The following FHOD3 variants were observed in gnomAD, a reference collection of about 807,000 sequenced individuals.
FHOD3 encodes the protein formin homology 2 domain containing 3.
FHOD3 carries 90 observed loss-of-function variants against 173.0 expected under a neutral mutation model. The observed-to-expected ratio is 0.52, with a 90% CI of 0.44 to 0.62. FHOD3 has a LOEUF of 0.62. FHOD3 is among the 20% of genes least tolerant of loss of function. FHOD3 has a pLI of 0.00. For missense variants in FHOD3, 1,945 were observed against 2,034.7 expected, an observed-to-expected ratio of 0.96 and a Z score of 0.85; for synonymous variants, 828 against 823.0, an observed-to-expected ratio of 1.01 and a Z score of -0.10.
intron 5 of FHOD3, among the ~76,000 whole-genome samples, chr18:36,516,249 T>C (rs1040781137): frequency 2.0e-5 from 3 of 152,140 alleles, no homozygotes; most frequent in Non-Finnish European, 4.4e-5. Flanking sequence ...TGAGGGCAGA[T>C]GCAGATCAAG....
At chr18:36,607,802 G>C (rs1195512387) in intron 8 of FHOD3, among the ~76,000 whole-genome samples, 4 of 152,048 alleles carry the variant, frequency 2.6e-5, no homozygotes, top group Non-Finnish European at 4.4e-5. Context: ...TAGAGCCCTA[G>C]GACATTGACA....
At chr18:36,727,672 G>T (rs1157411595) in intron 19 of FHOD3, among the ~76,000 whole-genome samples, 1 of 152,124 alleles carries the variant, frequency 6.6e-6, no homozygotes, top group African/African-American at 2.4e-5. Context: ...CATGTGTGTT[G>T]CTGTAAGTTG....
intron 9 of FHOD3, among the ~76,000 whole-genome samples, chr18:36,616,865 A>T (rs981501656): frequency 6.6e-6 from 1 of 152,236 alleles, no homozygotes. Context: ...AATATAGCCT[A>T]TCGAGGTGCA....
At chr18:36,377,942 C>A (rs1444014314) in intron 3 of FHOD3, among the ~76,000 whole-genome samples, 1 of 152,228 alleles carries the variant, frequency 6.6e-6, no homozygotes, top group Non-Finnish European at 1.5e-5. Context: ...CTCTACCATG[C>A]AGCTTAGATT....
At chr18:36,746,922 A>G in intron 23 of FHOD3, 23 bp from the exon 24 acceptor site, 1 of 1,574,584 alleles carries the variant, frequency 6.4e-7, no homozygotes, top group Non-Finnish European at 8.6e-7. Context: ...CAGTGTTTGC[A>G]GTGTTCTCGC....
chr18:36,631,558 C>T (rs1291489461), intron 10 of FHOD3, among the ~76,000 whole-genome samples: 1 of 152,164 alleles, frequency 6.6e-6, no homozygotes, highest in East Asian at 1.9e-4. Context: ...TAATCATCTG[C>T]CAGGCAGTAT....
chr18:36,413,359 G>A (rs1364437044), intron 3 of FHOD3, among the ~76,000 whole-genome samples: 1 of 152,124 alleles, frequency 6.6e-6, no homozygotes, highest in East Asian at 1.9e-4. Context: ...CCCTCCCAGA[G>A]GTTTAATATT....
chr18:36,551,025 A>G (rs1025944805), intron 5 of FHOD3, among the ~76,000 whole-genome samples: 4 of 152,180 alleles, frequency 2.6e-5, no homozygotes, highest in African/African-American at 4.8e-5. Context: ...GTGTTTCTCC[A>G]TTAAGTATGA....
intron 6 of FHOD3, among the ~76,000 whole-genome samples, chr18:36,588,218 A>C (rs16967991): frequency 0.033 from 5,055 of 152,318 alleles, 292 homozygotes; most frequent in African/African-American, 0.12. Context: ...TTTGATAACC[A>C]GTTACGAAGG....
intron 1 of FHOD3, among the ~76,000 whole-genome samples, chr18:36,348,826 A>T (rs2045984244): frequency 6.6e-6 from 1 of 152,150 alleles, no homozygotes; most frequent in African/African-American, 2.4e-5. Context: ...TTGGGCAGGT[A>T]GTGACCAGCC....
rs149612791 is a variant in FHOD3, at chr18:36,563,192, T to G, written c.512-13259T>G. On this transcript the variant is annotated intron_variant, in intron 5 of 28. Transcript: ENST00000590592. ...GAAGTACAGAATTAATATACTAGCA[T>G]GTACTCTTAATTGTTTTACATAACA... Among the ~76,000 whole-genome samples, 462 of 152,330 alleles carry G rather than the reference T, an allele frequency of 3.0e-3. 3 individuals are homozygous for G. Among genetic ancestry groups the G allele is most frequent in the African/African-American group, 0.011 (446 of 41,578 alleles).
intron 27 of FHOD3, among the ~76,000 whole-genome samples, chr18:36,765,701 T>C (rs1279124089): frequency 6.6e-6 from 1 of 152,148 alleles, no homozygotes; most frequent in Non-Finnish European, 1.5e-5. Flanking sequence ...AATAAACTCA[T>C]TGGATGGGCT....
At chr18:36,567,417 G>A (rs1172866517) in intron 5 of FHOD3, among the ~76,000 whole-genome samples, 3 of 152,154 alleles carry the variant, frequency 2.0e-5, no homozygotes, top group African/African-American at 4.8e-5. Flanking sequence ...CTTCCACATC[G>A]CTGTTAGATT....
Position 36,718,460 on chromosome 18 carries a change from G to A in FHOD3, c.3162G>A (p.Leu1054=), listed in dbSNP as rs764109970. Residue 1054 remains leucine (L), a synonymous_variant, in exon 19 of 29, where the codon TTG becomes TTA. Coordinates refer to ENST00000590592, the MANE Select transcript of FHOD3 (RefSeq NM_001281740.3). ...IPPPPVPGNL[L]VPPPPVFNAP... is the part of the protein sequence containing the mutation. The stretch of plus-strand genomic sequence containing the variant: ...CCCCTCCTGTCCCTGGTAATTTATT[G>A]GTTCCTCCTCCTCCAGTGTTCAACG... The A allele has an allele frequency of 6.9e-7, 1 of 1,444,930 alleles. No homozygotes were observed. Among genetic ancestry groups the A allele is most frequent in the Non-Finnish European group, 9.4e-7 (1 of 1,067,832 alleles). The allele number at this position is 1,444,930 out of a possible 1,614,324, so 89.5% of individuals were successfully genotyped here.
intron 19 of FHOD3, among the ~76,000 whole-genome samples, chr18:36,727,902 C>T (rs1269212154): frequency 6.6e-6 from 1 of 152,180 alleles, no homozygotes. Flanking sequence ...GCTGGCTGGG[C>T]TCCTAGAGTG....
At chr18:36,483,604 T>C (rs1216537451) in intron 3 of FHOD3, among the ~76,000 whole-genome samples, 1 of 152,226 alleles carries the variant, frequency 6.6e-6, no homozygotes, top group Non-Finnish European at 1.5e-5. Flanking sequence ...GTAAAACACA[T>C]TACCAAGTAT....
chr18:36,731,746 G>C (rs1393433987), intron 20 of FHOD3, among the ~76,000 whole-genome samples: 2 of 152,206 alleles, frequency 1.3e-5, no homozygotes, highest in Admixed American at 6.5e-5. Flanking sequence ...GGAAGGGCCT[G>C]GGCCTCTGGC....
At chr18:36,310,647 A>G (rs991835726) in intron 1 of FHOD3, among the ~76,000 whole-genome samples, 4 of 150,510 alleles carry the variant, frequency 2.7e-5, no homozygotes, top group African/African-American at 9.8e-5. Context: ...AGATCGTGCC[A>G]CTGCACTCCA....
At chr18:36,455,862 A>T (rs956052183) in intron 3 of FHOD3, among the ~76,000 whole-genome samples, 3 of 151,996 alleles carry the variant, frequency 2.0e-5, no homozygotes, top group Non-Finnish European at 4.4e-5. Context: ...TTTCCCCTGA[A>T]ATTTGGTTCT....
Sources: allele counts gnomAD v4.1 joint callset (sites outside exome capture counted in the v4.1 genomes callset), GRCh38; gene constraint gnomAD v4.1.1; transcripts MANE v1.5; gene names NCBI Gene and HGNC (gene_info 2026-07-23, HGNC 2026-07-21).